CCT3: variants seen among roughly 807,000 people sequenced by gnomAD.
The protein encoded by CCT3 is T-complex protein 1 subunit gamma.
A neutral mutation model predicts 65.3 loss-of-function variants in CCT3; 10 were observed. The ratio of observed to expected loss-of-function variants is 0.15; its 90% CI spans 0.09 to 0.26. CCT3 has a LOEUF of 0.26. Ranked by LOEUF, CCT3 falls within the 10% of genes least tolerant of loss-of-function variation. The probability of loss-of-function intolerance (pLI) is 1.00; values close to 1 mark genes in which losing one functional copy is unlikely to be tolerated. For synonymous variants in CCT3, 225 were observed against 242.3 expected (o/e 0.93, Z 0.66); for missense variants, 626 against 708.7 (o/e 0.88, Z 1.33).
intron 1 of CCT3, chr1:156,337,399 C>CT: frequency 5.8e-6 from 1 of 172,600 alleles, no homozygotes; most frequent in South Asian, 9.9e-5. Context: ...CAGAGCGAGA[C>CT]TTTGTCTCAA....
intron 5 of CCT3, among the ~76,000 whole-genome samples, chr1:156,327,944 C>T (rs557358485): frequency 5.5e-5 from 7 of 126,620 alleles, no homozygotes; most frequent in African/African-American, 1.3e-4. Flanking sequence ...GCCGCGACCC[C>T]GTCTGGGAGG....
At chr1:156,329,152 A>G (rs921867803) in intron 5 of CCT3, among the ~76,000 whole-genome samples, 2 of 152,272 alleles carry the variant, frequency 1.3e-5, no homozygotes, top group South Asian at 2.1e-4. Context: ...GTAACATGTT[A>G]TACAGCTTTG....
intron 3 of CCT3, 26 bp downstream of exon 3, chr1:156,334,842 A>G: frequency 6.2e-7 from 1 of 1,614,026 alleles, no homozygotes; most frequent in Non-Finnish European, 8.5e-7. Flanking sequence ...TTGTAGCCTA[A>G]GAGTTTTAGG....
chr1:156,332,223 A>G (rs988753478), intron 5 of CCT3, among the ~76,000 whole-genome samples: 2 of 152,138 alleles, frequency 1.3e-5, no homozygotes, highest in Non-Finnish European at 2.9e-5. Flanking sequence ...CATGTTGCCC[A>G]GGCTGGTCTC....
Position 156,319,077 on chromosome 1 carries a change from C to T in CCT3, c.610-60G>A, listed in dbSNP as rs113428138. 2.0e-5 allele frequency: 30 copies of T among 1,469,018 alleles called. 1 individual carries two copies. The highest frequency in any genetic ancestry group is 2.0e-4 in the African/African-American group (14 of 70,006). 91.0% of individuals were successfully genotyped at this position (1,469,018 alleles called of 1,614,324 possible). ...CAAGAGACAATTTCTTAATTTCCTT[C>T]CCAGATGTTCATCTTTCCCAAACAG... On this transcript the variant is annotated intron_variant, in intron 7 of 13. Coordinates refer to ENST00000295688, the MANE Select transcript of CCT3 (RefSeq NM_005998.5).
intron 5 of CCT3, among the ~76,000 whole-genome samples, chr1:156,329,591 C>A (rs1665021308): frequency 6.6e-6 from 1 of 151,852 alleles, no homozygotes; most frequent in Non-Finnish European, 1.5e-5. Flanking sequence ...AGGCGTAAGC[C>A]ACCGCGCCCA....
At chr1:156,319,101 A>C in intron 7 of CCT3, 84 bp from the exon 8 acceptor site, 6 of 1,216,956 alleles carry the variant, frequency 4.9e-6, no homozygotes, top group South Asian at 1.5e-5. Flanking sequence ...TTTCCCAAAC[A>C]GCTAGTGTTT....
Position 156,309,301 on chromosome 1 carries a change from C to T in CCT3, c.1536G>A (p.Thr512=), listed in dbSNP as rs773354579. 22 of 1,610,270 alleles carry T rather than the reference C, an allele frequency of 1.4e-5. No homozygotes were observed. Among genetic ancestry groups the T allele is most frequent in the Admixed American group, 5.0e-5 (3 of 59,972 alleles). ...CATCAATTCGCAGTAGCAGAACTGC[C>T]GTCTAGGAGAAAAACCACAGATGCA... is the stretch of plus-strand genomic sequence containing the variant. ...KLQTYKTAVE[T]AVLLLRIDDI... Residue 512 remains threonine (T), a splice_region_variant and synonymous_variant, in exon 14 of 14, where the codon ACG becomes ACA. Coordinates refer to ENST00000295688, the MANE Select transcript of CCT3 (RefSeq NM_005998.5).
At chr1:156,332,219 G>T (rs962690862) in intron 5 of CCT3, among the ~76,000 whole-genome samples, 2 of 152,064 alleles carry the variant, frequency 1.3e-5, no homozygotes, top group Non-Finnish European at 2.9e-5. Context: ...TCTCCATGTT[G>T]CCCAGGCTGG....
Position 156,309,088 on chromosome 1 carries a change from C to T in CCT3, c.*111G>A. The T allele has an allele frequency of 1.3e-6, 1 of 750,012 alleles. No individual in the cohort carries two copies. The highest frequency in any genetic ancestry group is 2.3e-6 in the Non-Finnish European group (1 of 427,642). The allele number at this position is 750,012 out of a possible 1,614,324, so 46.5% of individuals were successfully genotyped here. A position where few individuals can be genotyped will look rare whatever the true frequency, so the allele number is the denominator to read the frequency against. On this transcript the variant is annotated 3_prime_UTR_variant, in exon 14 of 14. Coordinates refer to ENST00000295688, the MANE Select transcript of CCT3 (RefSeq NM_005998.5). ...GGACAGAAAGGGACTGGGGGCTGCC[C>T]CCCAACCTGATCCCTTCTGAACAAA...
Position 156,309,196 on chromosome 1 carries a change from C to CTA in CCT3, c.*2_*3insTA. 6.3e-7 allele frequency: 1 copy of CTA among 1,594,634 alleles called. No individual in the cohort carries two copies. The highest frequency in any genetic ancestry group is 8.6e-7 in the Non-Finnish European group (1 of 1,162,276). The stretch of plus-strand genomic sequence containing the variant: ...TGTGCATTGAAGTAGCCTTGCCTAG[C>CTA]ACTCACTCCTGGCCAGCATCAGGAG... On this transcript the variant is annotated 3_prime_UTR_variant, in exon 14 of 14. Coordinates refer to ENST00000295688, the MANE Select transcript of CCT3 (RefSeq NM_005998.5).
At chr1:156,326,581 C>A (rs140873725) in intron 5 of CCT3, among the ~76,000 whole-genome samples, 84 of 132,746 alleles carry the variant, frequency 6.3e-4, no homozygotes, top group Middle Eastern at 4.9e-3. Flanking sequence ...ACCAGGGAGG[C>A]GGAGGTTGTG....
At chr1:156,319,274 G>A (rs1015764167) in intron 7 of CCT3, among the ~76,000 whole-genome samples, 5 of 140,764 alleles carry the variant, frequency 3.6e-5, no homozygotes, top group East Asian at 4.1e-4. Context: ...CACCACACCC[G>A]GCTAATTTTT....
At chr1:156,312,469 G>A (rs534696513) in intron 10 of CCT3, among the ~76,000 whole-genome samples, 2 of 152,134 alleles carry the variant, frequency 1.3e-5, no homozygotes, top group South Asian at 2.1e-4. Flanking sequence ...AGACCAGCCC[G>A]GGCAACATAA....
In CCT3 at chr1:156,338,020, G is replaced by A. The variant is rs1351523925; in HGVS notation, c.31+134C>T. The A allele has an allele frequency of 3.1e-6, 3 of 953,370 alleles. No individual in the cohort carries two copies. In the Admixed American group the frequency reaches 6.3e-5, roughly 20 times the overall value. The allele number at this position is 953,370 out of a possible 1,614,324, so 59.1% of individuals were successfully genotyped here. A position where few individuals can be genotyped will look rare whatever the true frequency, so the allele number is the denominator to read the frequency against. The stretch of plus-strand genomic sequence containing the variant: ...GAGAAGAGAGGAAAGCGGGACACTG[G>A]GCTTCCAAAATGAAGACGATGATTG... On this transcript the variant is annotated intron_variant, in intron 1 of 13. Coordinates refer to ENST00000295688, the MANE Select transcript of CCT3 (RefSeq NM_005998.5).
Position 156,312,159 on chromosome 1 carries a change from C to A in CCT3, c.1037G>T (p.Gly346Val), listed in dbSNP as rs543532113. Residue 346 changes from glycine (G) to valine (V), a missense_variant, in exon 11 of 14, where the codon GGA becomes GTA. By Grantham distance (109) the Gly-to-Val change is moderately radical (BLOSUM62 -3). Coordinates refer to ENST00000295688, the MANE Select transcript of CCT3 (RefSeq NM_005998.5). Reference protein sequence around the residue: ...EELREDDVGTGAGLLEIKKIG... With the variant: ...EELREDDVGTVAGLLEIKKIG... Reference sequence around the variant, plus strand: ...TTTCTTGATTTCCAACAGGCCTGCTCCTGTTCCAACATCATCTTCTCTCAG... The same window carrying A: ...TTTCTTGATTTCCAACAGGCCTGCTACTGTTCCAACATCATCTTCTCTCAG... 2 of 1,614,120 alleles carry A rather than the reference C, an allele frequency of 1.2e-6. 1 individual carries two copies. The highest frequency in any genetic ancestry group is 2.2e-5 in the South Asian group (2 of 91,072).
intron 5 of CCT3, among the ~76,000 whole-genome samples, chr1:156,332,156 C>T (rs955091243): frequency 2.0e-5 from 3 of 152,196 alleles, no homozygotes; most frequent in Admixed American, 6.5e-5. Flanking sequence ...GCTGGGACTA[C>T]AGGTGTGTGC....
chr1:156,333,971 C>T (rs1327679636), intron 4 of CCT3, among the ~76,000 whole-genome samples: 1 of 152,188 alleles, frequency 6.6e-6, no homozygotes, highest in African/African-American at 2.4e-5. Flanking sequence ...GGCATGGTGG[C>T]TCACATCTGT....
chr1:156,311,357 G>A (rs1252371982), intron 11 of CCT3, among the ~76,000 whole-genome samples, 162 bp from the exon 12 acceptor site: 5 of 152,204 alleles, frequency 3.3e-5, no homozygotes, highest in Non-Finnish European at 5.9e-5. Context: ...ATTTACCTGA[G>A]AATATATAAC....
Sources: gnomAD v4.1 joint callset for allele counts (sites outside exome capture counted in the v4.1 genomes callset) on GRCh38, gnomAD v4.1.1 for gene constraint, MANE v1.5 for transcripts, NCBI Gene and HGNC (gene_info 2026-07-23, HGNC 2026-07-21) for gene names.